The following ECM1 variants were observed in gnomAD, a reference collection of about 807,000 sequenced individuals.
ECM1 encodes the protein secretory component p85.
ECM1 carries 54 observed loss-of-function variants against 57.9 expected under a neutral mutation model. The ratio of observed to expected loss-of-function variants is 0.93; its 90% confidence interval spans 0.75 to 1.17. ECM1 has a LOEUF of 1.17. Among genes scored for constraint, ECM1 ranks in the 50% most tolerant of loss-of-function variants. The probability of loss-of-function intolerance (pLI) is 0.00; values close to 1 mark genes in which losing one functional copy is unlikely to be tolerated. For synonymous variants in ECM1, 237 were observed against 259.1 expected (o/e 0.91, Z 0.82); for missense variants, 649 against 688.1 (o/e 0.94, Z 0.64).
At chr1:150,510,814 C>A in intron 5 of ECM1, 62 bp from the exon 6 acceptor site, 1 of 1,550,696 alleles carries the variant, frequency 6.4e-7, no homozygotes, top group Middle Eastern at 1.7e-4. Context: ...ATCCTCCCAG[C>A]TCATCCAGCC....
In ECM1 at chr1:150,510,110, C is replaced by T. The variant is rs1560264926; in HGVS notation, c.313C>T (p.Pro105Ser). The change falls in exon 5 of 10, where the codon CCT (proline) becomes TCT (serine). Residue 105 changes from proline to serine, a missense_variant. Coordinates refer to ENST00000369047, the MANE Select transcript of ECM1 (RefSeq NM_004425.4). Reference protein sequence around the residue: ...QLPAEKEVGPPLPQEAVPLQK... With the variant: ...QLPAEKEVGPSLPQEAVPLQK... ...TCACCCCTATCTTGCAGTGGGTCCC[C>T]CTCTCCCTCAGGAAGCTGTCCCCCT... The T allele has an allele frequency of 3.1e-6, 5 of 1,614,094 alleles. No individual in the cohort carries two copies. Among genetic ancestry groups the T allele is most frequent in the Non-Finnish European group, 4.2e-6 (5 of 1,179,954 alleles).
chr1:150,512,414 G>C lies in ECM1; in HGVS notation c.1146G>C (p.Leu382Phe). ...REYAVKTHHHLCCRHPPSPTR... is the reference protein window; with the variant it reads ...REYAVKTHHHFCCRHPPSPTR... ...ATGCTGTGAAGACCCACCACCACTT[G>C]TGTTGCCGCCACCCTCCCAGCCCTA... The change falls in exon 8 of 10, where the codon TTG becomes TTC. Residue 382 changes from leucine to phenylalanine, a missense_variant. Transcript: ENST00000369047. The C allele has an allele frequency of 6.2e-7, 1 of 1,613,440 alleles. No homozygotes were observed. The highest frequency in any genetic ancestry group is 1.1e-5 in the South Asian group (1 of 91,032).
chr1:150,509,390 C>A, intron 1 of ECM1, 141 bp from the exon 2 acceptor site: 1 of 860,358 alleles, frequency 1.2e-6, no homozygotes, highest in Non-Finnish European at 1.9e-6. Context: ...GATTAGGGGA[C>A]ACGGGGCAGG....
rs1042862585 is a variant in ECM1 at position 150,512,669 on chromosome 1, C to G, written c.1305-56C>G. On this transcript the variant is annotated intron_variant, in intron 8 of 9. Coordinates refer to ENST00000369047, the MANE Select transcript of ECM1 (RefSeq NM_004425.4). ...CAAAATCATGATATCCCAACCCCAT[C>G]TGATGCCAGAAGATGCCCAAAGACC... The G allele has an allele frequency of 3.1e-6, 5 of 1,610,818 alleles. No individual in the cohort carries two copies. The South Asian group carries it at 4.4e-5, about 14-fold the overall frequency.
intron 6 of ECM1, 31 bp from the exon 7 acceptor site, chr1:150,511,426 A>G (rs1670436719): frequency 6.2e-7 from 1 of 1,613,770 alleles, no homozygotes; most frequent in African/African-American, 1.3e-5. Context: ...AGGAATGTGG[A>G]AAGTGGGCTG....
At chr1:150,513,054 T>G (rs1670486803) in intron 9 of ECM1, among the ~76,000 whole-genome samples, 183 bp from the exon 10 acceptor site, 1 of 152,162 alleles carries the variant, frequency 6.6e-6, no homozygotes, top group African/African-American at 2.4e-5. Context: ...GATGTACACA[T>G]TTGTCAGTCA....
chr1:150,512,713 A>C lies in ECM1; in HGVS notation c.1305-12A>C. The C allele has an allele frequency of 1.9e-6, 3 of 1,613,916 alleles. No individual in the cohort carries two copies. Among genetic ancestry groups the C allele is most frequent in the Non-Finnish European group, 2.5e-6 (3 of 1,179,934 alleles). On this transcript the variant is annotated splice_polypyrimidine_tract_variant and intron_variant, in intron 8 of 9. Transcript: ENST00000369047. ...AAAGACCCTAACCCCTGCCCCTTTC[A>C]CACCAACATAGTAAACATATTCCTG...
rs182061872 is a variant in ECM1 at position 150,510,333 on chromosome 1, A to G, written c.385+151A>G. On this transcript the variant is annotated intron_variant, in intron 5 of 9. Transcript: ENST00000369047. ...TACTTCTCCAAGCCTTTGTTTCTTC[A>G]TCTGTAAAATTGAGGATATACCTGT... 58 of 742,454 alleles carry G rather than the reference A, an allele frequency of 7.8e-5. No individual in the cohort carries two copies. The East Asian group carries it at 1.5e-3, about 19-fold the overall frequency. 46.0% of individuals were successfully genotyped at this position (742,454 alleles called of 1,614,324 possible).
intron 6 of ECM1, 23 bp downstream of exon 6, chr1:150,511,221 G>A (rs181802476): frequency 2.4e-5 from 38 of 1,611,976 alleles, no homozygotes; most frequent in South Asian, 8.8e-5. Context: ...TCTTGATGCC[G>A]GGGGGTGTCC....
rs189125874 is a variant in ECM1 at position 150,508,364 on chromosome 1, T to C, written c.70+85T>C. The C allele has an allele frequency of 2.0e-5, 26 of 1,291,248 alleles. No homozygotes were observed. The African/African-American group carries it at 2.3e-4, about 12-fold the overall frequency. 80.0% of individuals were successfully genotyped at this position (1,291,248 alleles called of 1,614,324 possible). A position where few individuals can be genotyped will look rare whatever the true frequency, so the allele number is the denominator to read the frequency against. On this transcript the variant is annotated intron_variant, in intron 1 of 9. Coordinates refer to ENST00000369047, the MANE Select transcript of ECM1 (RefSeq NM_004425.4). ...CCAGGCATCCCAGACGGCTCATCAC[T>C]AGCAGAGTGATTCTCCGTTTGGCTT...
At position 150,510,094 on chromosome 1, in the gene ECM1, T is replaced by C. The variant is rs376060020; in HGVS notation, c.305-8T>C. On this transcript the variant is annotated splice_polypyrimidine_tract_variant and splice_region_variant and intron_variant, in intron 4 of 9. Transcript: ENST00000369047. ...CTGCTCCTTGGTGCCCTCACCCCTA[T>C]CTTGCAGTGGGTCCCCCTCTCCCTC... is the stretch of plus-strand genomic sequence containing the variant. The C allele has an allele frequency of 5.6e-6, 9 of 1,613,992 alleles. No individual in the cohort carries two copies. In the African/African-American group the frequency reaches 1.1e-4, roughly 19 times the overall value.
chr1:150,509,026 T>C (rs1670355088), intron 1 of ECM1, among the ~76,000 whole-genome samples: 1 of 152,142 alleles, frequency 6.6e-6, no homozygotes. Context: ...TGAGACTGGC[T>C]GAAGGGGAAG....
chr1:150,513,171 GTA>G, intron 9 of ECM1, 64 bp from the exon 10 acceptor site: 2 of 1,539,512 alleles, frequency 1.3e-6, no homozygotes, highest in Non-Finnish European at 1.8e-6. Context: ...TGGCACCCAA[GTA>G]TCTACATCTG....
chr1:150,512,411 C>T lies in ECM1; in HGVS notation c.1143C>T (p.His381=), dbSNP rs143543113. 40 of 1,613,620 alleles carry T rather than the reference C, an allele frequency of 2.5e-5. No homozygotes were observed. Among genetic ancestry groups the T allele is most frequent in the African/African-American group, 4.0e-5 (3 of 74,816 alleles). ...DREYAVKTHH[H]LCCRHPPSPT... ...AGTATGCTGTGAAGACCCACCACCA[C>T]TTGTGTTGCCGCCACCCTCCCAGCC... Residue 381 remains histidine, a synonymous_variant, in exon 8 of 10, where the codon CAC becomes CAT. Coordinates refer to ENST00000369047, the MANE Select transcript of ECM1 (RefSeq NM_004425.4).
chr1:150,512,848 G>C, intron 9 of ECM1, 36 bp downstream of exon 9: 1 of 1,604,404 alleles, frequency 6.2e-7, no homozygotes, highest in Non-Finnish European at 8.5e-7. Context: ...GAGGAATGCA[G>C]GGGAGGGGAG....
chr1:150,508,427 T>G (rs587610406), intron 1 of ECM1, 148 bp downstream of exon 1: 50 of 790,014 alleles, frequency 6.3e-5, no homozygotes, highest in Non-Finnish European at 4.5e-5. Flanking sequence ...CCTAGGCCAG[T>G]GGAGCCTTTA....
rs869025563 is a variant in ECM1 at position 150,511,574 on chromosome 1, C to T, written c.826C>T (p.Gln276Ter). The change falls in exon 7 of 10, where the codon CAG becomes TAG. Residue 276 changes from glutamine to a stop codon, truncating the protein, a stop_gained. Transcript: ENST00000369047. LOFTEE classifies it high-confidence loss of function. The part of the protein sequence containing the change: ...RFSCFQEEAP[Q>*]PHYQLRACPS... Reference sequence around the variant, plus strand: ...CTCCTGCTTCCAGGAGGAAGCTCCCCAGCCACACTACCAGCTCCGGGCCTG... The same window carrying T: ...CTCCTGCTTCCAGGAGGAAGCTCCCTAGCCACACTACCAGCTCCGGGCCTG... 3 of 1,614,190 alleles carry T rather than the reference C, an allele frequency of 1.9e-6. No individual in the cohort carries two copies.
chr1:150,508,280 G>A lies in ECM1; in HGVS notation c.70+1G>A, dbSNP rs1429863804. 6.2e-7 allele frequency: 1 copy of A among 1,613,822 alleles called. No individual in the cohort carries two copies. The highest frequency in any genetic ancestry group is 8.5e-7 in the Non-Finnish European group (1 of 1,180,002). ...GTTGCTTCTGCTGCCTCTGAGGGAG[G>A]TGAGTTGGGGGATCAGCACTTAGGA... is the stretch of plus-strand genomic sequence containing the variant. On this transcript the variant is annotated splice_donor_variant, in intron 1 of 9. Transcript: ENST00000369047. LOFTEE classifies it high-confidence loss of function.
chr1:150,511,364 C>CTCTTCTTTA lies in ECM1; in HGVS notation c.709-89_709-81dup, dbSNP rs1225160360. 1.6e-5 allele frequency: 26 copies of CTCTTCTTTA among 1,608,554 alleles called. 1 individual carries two copies. In the Admixed American group the frequency reaches 4.0e-4, roughly 25 times the overall value. The stretch of plus-strand genomic sequence containing the variant: ...CAGGGGAGCAGAGGACAACCACTGT[C>CTCTTCTTTA]TCTTCTTTATCTGCCTGCCCAGTGT... On this transcript the variant is annotated intron_variant, in intron 6 of 9. Coordinates refer to ENST00000369047, the MANE Select transcript of ECM1 (RefSeq NM_004425.4).
Sources: allele counts gnomAD v4.1 joint callset (sites outside exome capture counted in the v4.1 genomes callset), GRCh38; gene constraint gnomAD v4.1.1; transcripts MANE v1.5; gene names NCBI Gene and HGNC (gene_info 2026-07-23, HGNC 2026-07-21).